The following USP15 variants were observed in gnomAD, a reference collection of about 807,000 sequenced individuals.
USP15 encodes the protein ubiquitin specific peptidase 15.
In USP15, 18 loss-of-function variants were observed where a neutral mutation model predicts 127.1. That is an observed-to-expected ratio of 0.14 (90% CI 0.10 to 0.21). USP15 has a LOEUF of 0.21. Among genes scored for constraint, USP15 ranks in the 10% least tolerant of loss-of-function variants. The probability of loss-of-function intolerance (pLI) is 1.00; values close to 1 mark genes in which losing one functional copy is unlikely to be tolerated. For missense variants in USP15, 805 were observed against 1,159.9 expected, an observed-to-expected ratio of 0.69 and a Z score of 4.44; for synonymous variants, 364 against 393.7, an observed-to-expected ratio of 0.92 and a Z score of 0.89.
In USP15 at chr12:62,412,371, T is replaced by C. The variant is rs1222407017; in HGVS notation, c.*7996T>C. On this transcript the variant is annotated 3_prime_UTR_variant, in exon 22 of 22. Coordinates refer to ENST00000280377, the MANE Select transcript of USP15 (RefSeq NM_001252078.2). ...GTGGCAATTTTTTACAATAAGACAG[T>C]AGTGAAGTTTGCTTCATCAATTGAC... 1.3e-5 allele frequency: 2 copies of C among 152,360 alleles called. No individual in the cohort carries two copies. Among genetic ancestry groups the C allele is most frequent in the Non-Finnish European group, 2.9e-5 (2 of 68,156 alleles). 9.4% of individuals were successfully genotyped at this position (152,360 alleles called of 1,614,324 possible). A position where few individuals can be genotyped will look rare whatever the true frequency, so the allele number is the denominator to read the frequency against.
chr12:62,360,361 AACTT>A (rs2066276236), intron 8 of USP15, among the ~76,000 whole-genome samples: 1 of 152,080 alleles, frequency 6.6e-6, no homozygotes, highest in South Asian at 2.1e-4. Flanking sequence ...ATTAGGAAAA[AACTT>A]AATTTCAAAA....
intron 7 of USP15, among the ~76,000 whole-genome samples, chr12:62,351,643 A>G (rs2065970277): frequency 6.6e-6 from 1 of 152,034 alleles, no homozygotes; most frequent in Non-Finnish European, 1.5e-5. Context: ...TGCAGAAACT[A>G]TTGAGAGAAA....
intron 18 of USP15, 95 bp downstream of exon 18, chr12:62,392,482 T>A: frequency 1.2e-6 from 1 of 863,360 alleles, no homozygotes; most frequent in Non-Finnish European, 1.7e-6. Flanking sequence ...TACTAAATTC[T>A]CTTTGATGTT....
intron 8 of USP15, among the ~76,000 whole-genome samples, chr12:62,365,387 T>C (rs1242472797): frequency 6.6e-6 from 1 of 152,180 alleles, no homozygotes; most frequent in South Asian, 2.1e-4. Flanking sequence ...TTGCCCACTT[T>C]TTGATGGGGT....
intron 6 of USP15, among the ~76,000 whole-genome samples, chr12:62,330,820 A>G (rs1291598016): frequency 1.3e-5 from 2 of 151,190 alleles, no homozygotes; most frequent in Admixed American, 6.6e-5. Flanking sequence ...CAGCTACTCC[A>G]GAAGCTGGGG....
At chr12:62,292,658 C>G (rs2064007760) in intron 1 of USP15, among the ~76,000 whole-genome samples, 1 of 152,168 alleles carries the variant, frequency 6.6e-6, no homozygotes, top group Admixed American at 6.5e-5. Context: ...TCCTCACTTG[C>G]AGTGCTGAGC....
intron 6 of USP15, among the ~76,000 whole-genome samples, chr12:62,347,257 A>G (rs2065846372): frequency 6.6e-6 from 1 of 151,850 alleles, no homozygotes; most frequent in Non-Finnish European, 1.5e-5. Flanking sequence ...CTAATTAATA[A>G]TAAAAAAGGC....
chr12:62,387,452 A>G (rs2067188316), intron 11 of USP15, among the ~76,000 whole-genome samples: 1 of 152,156 alleles, frequency 6.6e-6, no homozygotes. Flanking sequence ...ACAACACTCT[A>G]AAGAACAATG....
At chr12:62,400,088 A>G (rs12308455) in intron 20 of USP15, among the ~76,000 whole-genome samples, 34,113 of 152,074 alleles carry the variant, frequency 0.22, 4,172 homozygotes, top group African/African-American at 0.34. Context: ...ACAAAGTGTC[A>G]CTTTTTAGAA....
chr12:62,263,447 C>G (rs2063118831), intron 1 of USP15, among the ~76,000 whole-genome samples: 1 of 152,170 alleles, frequency 6.6e-6, no homozygotes, highest in South Asian at 2.1e-4. Context: ...AACTAACTTC[C>G]ATACCTAGGC....
intron 8 of USP15, among the ~76,000 whole-genome samples, chr12:62,361,222 T>A (rs932557378): frequency 6.6e-6 from 1 of 152,072 alleles, no homozygotes; most frequent in African/African-American, 2.4e-5. Flanking sequence ...CTTGTGTAAC[T>A]TGGCTAATAA....
At position 62,384,066 on chromosome 12, in the gene USP15, T is replaced by C. The variant is rs2067068816; in HGVS notation, c.1249-12T>C. 6.2e-7 allele frequency: 1 copy of C among 1,611,788 alleles called. No homozygotes were observed. The highest frequency in any genetic ancestry group is 8.5e-7 in the Non-Finnish European group (1 of 1,178,954). ...GATACCTCTTTCTAATTTGTGTCTA[T>C]TATCCTTGTAGGTGGTTGCCGAAGA... On this transcript the variant is annotated splice_polypyrimidine_tract_variant and intron_variant, in intron 10 of 21. Coordinates refer to ENST00000280377, the MANE Select transcript of USP15 (RefSeq NM_001252078.2).
chr12:62,376,847 G>A (rs1359251083), intron 8 of USP15, among the ~76,000 whole-genome samples: 8 of 152,040 alleles, frequency 5.3e-5, no homozygotes, highest in African/African-American at 2.4e-5. Context: ...GTGTCTTACA[G>A]GATAAAAGGG....
At chr12:62,360,532 A>G (rs549787704) in intron 8 of USP15, among the ~76,000 whole-genome samples, 16 of 152,200 alleles carry the variant, frequency 1.1e-4, no homozygotes, top group Non-Finnish European at 1.8e-4. Context: ...TGTTATTTCT[A>G]TGTTACATTA....
In USP15 at chr12:62,393,070, A is replaced by G. The variant is rs1204462032; in HGVS notation, c.2438A>G (p.Lys813Arg). The change falls in exon 19 of 22, where the codon AAA (lysine) becomes AGA (arginine). Residue 813 changes from lysine (K) to arginine (R), a missense_variant. By Grantham distance (26) the Lys-to-Arg change is conservative (BLOSUM62 2). Transcript: ENST00000280377. ...ATTCTTAGGTATTGTCCGAATTGTA[A>G]AGAACATCAGCAAGCCACAAAGAAA... The part of the protein sequence containing the change: ...AEDPWYCPNC[K>R]EHQQATKKLD... The G allele has an allele frequency of 3.7e-6, 6 of 1,613,738 alleles. 1 individual carries two copies. Among genetic ancestry groups the G allele is most frequent in the African/African-American group, 1.3e-5 (1 of 75,024 alleles).
At chr12:62,297,913 C>G (rs570827155) in intron 2 of USP15, among the ~76,000 whole-genome samples, 1 of 152,030 alleles carries the variant, frequency 6.6e-6, no homozygotes, top group Non-Finnish European at 1.5e-5. Flanking sequence ...ACATAGACAA[C>G]TTAACAAAAC....
chr12:62,269,607 A>G (rs2063296112), intron 1 of USP15, among the ~76,000 whole-genome samples: 1 of 151,890 alleles, frequency 6.6e-6, no homozygotes, highest in African/African-American at 2.4e-5. Flanking sequence ...TTTTGTAGAA[A>G]TGAGGATCTT....
At chr12:62,345,557 C>A (rs1406363927) in intron 6 of USP15, among the ~76,000 whole-genome samples, 1 of 152,196 alleles carries the variant, frequency 6.6e-6, no homozygotes, top group Non-Finnish European at 1.5e-5. Flanking sequence ...ACTGTTCCAA[C>A]CTCTCTGCCT....
At chr12:62,291,593 C>A (rs956618126) in intron 1 of USP15, among the ~76,000 whole-genome samples, 1 of 152,078 alleles carries the variant, frequency 6.6e-6, no homozygotes, top group Non-Finnish European at 1.5e-5. Context: ...TTTCAAACTT[C>A]CAGAATTATT....
Sources: allele counts gnomAD v4.1 joint callset (sites outside exome capture counted in the v4.1 genomes callset), GRCh38; gene constraint gnomAD v4.1.1; transcripts MANE v1.5; gene names NCBI Gene and HGNC (gene_info 2026-07-23, HGNC 2026-07-21).